SDK1: variants seen among roughly 807,000 people sequenced by gnomAD.
SDK1 encodes protein sidekick-1.
A neutral mutation model predicts 245.5 loss-of-function variants in SDK1; 157 were observed. The ratio of observed to expected loss-of-function variants is 0.64; its 90% CI spans 0.56 to 0.73. The LOEUF (loss-of-function observed/expected upper bound fraction) is 0.73, where lower values mean the gene tolerates loss of function less well. Ranked by LOEUF, SDK1 falls within the 30% of genes least tolerant of loss-of-function variation. The pLI is 0.00. For synonymous variants in SDK1, 1,647 were observed against 1,278.5 expected (o/e 1.29, Z -6.15); for missense variants, 3,583 against 3,002.3 (o/e 1.19, Z -4.52).
At chr7:3,314,939 G>A (rs1252039632) in intron 1 of SDK1, among the ~76,000 whole-genome samples, 1 of 150,506 alleles carries the variant, frequency 6.6e-6, no homozygotes, top group African/African-American at 2.4e-5. Context: ...CCTGTGAATT[G>A]TCCCAAATCA....
At chr7:4,158,176 T>A (rs569317517) in intron 30 of SDK1, among the ~76,000 whole-genome samples, 1 of 152,284 alleles carries the variant, frequency 6.6e-6, no homozygotes, top group Non-Finnish European at 1.5e-5. Flanking sequence ...GCAGCTCCTT[T>A]CTCCCTGAGG....
chr7:3,652,968 G>A (rs1423234344), intron 4 of SDK1, among the ~76,000 whole-genome samples: 1 of 152,172 alleles, frequency 6.6e-6, no homozygotes, highest in African/African-American at 2.4e-5. Context: ...AATTGCAGTG[G>A]GCAAAGAAGT....
chr7:3,914,288 G>A (rs4723267), intron 5 of SDK1, among the ~76,000 whole-genome samples: 207 of 152,112 alleles, frequency 1.4e-3, no homozygotes, highest in Admixed American at 0.011. Context: ...GTCTTACTGG[G>A]TTCATGTCAA....
intron 35 of SDK1, among the ~76,000 whole-genome samples, chr7:4,194,260 G>A (rs146456642): frequency 1.4e-3 from 206 of 149,628 alleles, no homozygotes; most frequent in African/African-American, 4.8e-3. Context: ...ATGTATGCAC[G>A]TATGTGTATA....
intron 38 of SDK1, among the ~76,000 whole-genome samples, chr7:4,211,795 G>C (rs1198340181): frequency 1.3e-5 from 2 of 152,150 alleles, no homozygotes; most frequent in African/African-American, 2.4e-5. Flanking sequence ...ATTTTTAGTA[G>C]AGACAGGGTT....
chr7:3,774,878 T>G (rs1195157495), intron 4 of SDK1, among the ~76,000 whole-genome samples: 1 of 152,220 alleles, frequency 6.6e-6, no homozygotes, highest in Non-Finnish European at 1.5e-5. Context: ...TACTTCTAAT[T>G]GGGACTGTTA....
chr7:4,064,473 G>T (rs1010074382), intron 19 of SDK1, among the ~76,000 whole-genome samples: 1 of 152,168 alleles, frequency 6.6e-6, no homozygotes, highest in Non-Finnish European at 1.5e-5. Flanking sequence ...TGGTGATGAT[G>T]TAAATTAGTA....
chr7:3,559,773 A>C (rs1779692984), intron 1 of SDK1, among the ~76,000 whole-genome samples: 1 of 146,836 alleles, frequency 6.8e-6, no homozygotes, highest in Non-Finnish European at 1.5e-5. Context: ...AAAAAAAAAA[A>C]CACAAAAATC....
chr7:3,887,405 A>C (rs1781362170), intron 5 of SDK1, among the ~76,000 whole-genome samples: 1 of 152,214 alleles, frequency 6.6e-6, no homozygotes, highest in Non-Finnish European at 1.5e-5. Context: ...GGAACCGTGG[A>C]GTATTAGTGA....
In SDK1 at chr7:3,959,765, C is replaced by T. The variant is rs1781531961; in HGVS notation, c.1234+751C>T. 4.6e-5 allele frequency among the ~76,000 whole-genome samples: 7 copies of T among 151,964 alleles called. No individual in the cohort carries two copies. In the South Asian group the frequency reaches 8.3e-4, roughly 18 times the overall value. ...ACACCCTTTTATTCTTTTTTGTGGC[C>T]GAATAGTATTTGAATAGGAAATGTT... On this transcript the variant is annotated intron_variant, in intron 8 of 44. Transcript: ENST00000404826.
Position 3,758,441 on chromosome 7 carries a change from A to G in SDK1, c.714-63009A>G, listed in dbSNP as rs1197069014. ...GAATATTTATGTTATTCTCTGGGTTATAATCTTCTATTTAGGTTGGTGCAA... is the reference window on the plus strand; with the variant it reads ...GAATATTTATGTTATTCTCTGGGTTGTAATCTTCTATTTAGGTTGGTGCAA... On this transcript the variant is annotated intron_variant, in intron 4 of 44. Transcript: ENST00000404826. Among the ~76,000 whole-genome samples, 3 of 152,308 alleles carry G rather than the reference A, an allele frequency of 2.0e-5. No individual in the cohort carries two copies. The East Asian group carries it at 5.8e-4, about 29-fold the overall frequency.
intron 1 of SDK1, among the ~76,000 whole-genome samples, chr7:3,420,656 GT>G (rs1779510382): frequency 2.0e-5 from 3 of 152,144 alleles, no homozygotes; most frequent in Admixed American, 2.0e-4. Flanking sequence ...ATAGCAAGTT[GT>G]TATTTTAGAG....
At chr7:3,561,753 G>T (rs1045037407) in intron 1 of SDK1, among the ~76,000 whole-genome samples, 1 of 152,142 alleles carries the variant, frequency 6.6e-6, no homozygotes, top group Non-Finnish European at 1.5e-5. Context: ...AAGAGCTCAC[G>T]TTCCCTTCCA....
intron 14 of SDK1, among the ~76,000 whole-genome samples, chr7:3,996,316 T>C (rs909475570): frequency 6.6e-6 from 1 of 152,252 alleles, no homozygotes; most frequent in Non-Finnish European, 1.5e-5. Context: ...TTTTAATAAC[T>C]GATAAAACAA....
At chr7:3,743,801 T>C (rs1289573309) in intron 4 of SDK1, among the ~76,000 whole-genome samples, 1 of 152,084 alleles carries the variant, frequency 6.6e-6, no homozygotes, top group African/African-American at 2.4e-5. Context: ...AAACTTCTGC[T>C]TGGATATCAT....
At chr7:3,878,207 C>G (rs1379550568) in intron 5 of SDK1, among the ~76,000 whole-genome samples, 1 of 151,962 alleles carries the variant, frequency 6.6e-6, no homozygotes, top group East Asian at 1.9e-4. Context: ...AAGAGAAAAA[C>G]TCAGTTGTTT....
At chr7:4,005,141 G>C (rs530194060) in intron 14 of SDK1, among the ~76,000 whole-genome samples, 64 of 147,200 alleles carry the variant, frequency 4.3e-4, no homozygotes, top group Non-Finnish European at 7.9e-4. Context: ...CATCTCCTGG[G>C]TTCAAGCGAT....
intron 38 of SDK1, among the ~76,000 whole-genome samples, chr7:4,211,940 G>A (rs1181707202): frequency 6.6e-6 from 1 of 152,160 alleles, no homozygotes; most frequent in Non-Finnish European, 1.5e-5. Context: ...TGCCTTCTGT[G>A]TCCCTCTCTC....
chr7:4,166,756 C>T (rs1248133803), intron 32 of SDK1, among the ~76,000 whole-genome samples: 1 of 152,218 alleles, frequency 6.6e-6, no homozygotes, highest in African/African-American at 2.4e-5. Context: ...TGCCTGAACT[C>T]GCAGGAGACA....
Sources: allele counts gnomAD v4.1 joint callset (sites outside exome capture counted in the v4.1 genomes callset), GRCh38; gene constraint gnomAD v4.1.1; transcripts MANE v1.5; gene names NCBI Gene and HGNC (gene_info 2026-07-23, HGNC 2026-07-21).